The following DGLUCY variants were observed in gnomAD, a reference collection of about 807,000 sequenced individuals.
DGLUCY encodes D-glutamate cyclase, also known as D-glutamate cyclase, mitochondrial.
Under a neutral mutation model 58.5 loss-of-function variants are expected in DGLUCY, and 58 were observed. The observed-to-expected ratio is 0.99, with a 90% CI of 0.80 to 1.23. The LOEUF (loss-of-function observed/expected upper bound fraction) is 1.23, where lower values mean the gene tolerates loss of function less well. Ranked by LOEUF, DGLUCY falls within the 50% of genes most tolerant of loss-of-function variation. The pLI, the probability that DGLUCY is intolerant of heterozygous loss-of-function variation, is 0.00. For missense variants in DGLUCY, 779 were observed against 784.7 expected (o/e 0.99, Z 0.09); for synonymous variants, 325 against 314.1 (o/e 1.03, Z -0.37).
intron 1 of DGLUCY, among the ~76,000 whole-genome samples, chr14:91,137,461 C>T (rs942814573): frequency 3.3e-5 from 5 of 151,868 alleles, no homozygotes; most frequent in Admixed American, 6.6e-5. Context: ...TCTCTGCTCA[C>T]TGCAACCTCC....
At chr14:91,220,236 C>G (rs918156160) in intron 13 of DGLUCY, among the ~76,000 whole-genome samples, 3 of 152,238 alleles carry the variant, frequency 2.0e-5, no homozygotes, top group Admixed American at 2.0e-4. Flanking sequence ...AGCAAGTCTC[C>G]GACCTCAGCA....
At chr14:91,211,975 A>G (rs1271225031) in intron 12 of DGLUCY, among the ~76,000 whole-genome samples, 4 of 151,828 alleles carry the variant, frequency 2.6e-5, no homozygotes, top group Admixed American at 1.3e-4. Context: ...TAATTTTTGT[A>G]TTTTTTTAAT....
chr14:91,108,487 TTGTG>T lies in DGLUCY; in HGVS notation c.-82+463_-82+466del, dbSNP rs34711327. Among the ~76,000 whole-genome samples the T allele has an allele frequency of 9.7e-3, 724 of 74,920 alleles. 19 individuals carry two copies. The highest frequency in any genetic ancestry group is 0.037 in the African/African-American group (658 of 17,556). The allele number at this position is 74,920 out of a possible 152,430, so 49.2% of individuals were successfully genotyped here. A position where few individuals can be genotyped will look rare whatever the true frequency, so the allele number is the denominator to read the frequency against. ...GTCACTGGAAAGGCCCTTGAAGAAT[TTGTG>T]TGTGTGTGTGTGTGTGTGTGTGTGT... On this transcript the variant is annotated intron_variant, in intron 1 of 4. Transcript: ENST00000518871.
rs1466140222 is a variant in DGLUCY at position 91,224,875 on chromosome 14, G to A, written c.*42G>A. ...TGAGCAGAGTCCCTACCAACGGGCAGGTCTGCATCCGGGGAGAATGCAGCT... is the reference window on the plus strand; with the variant it reads ...TGAGCAGAGTCCCTACCAACGGGCAAGTCTGCATCCGGGGAGAATGCAGCT... On this transcript the variant is annotated 3_prime_UTR_variant, in exon 14 of 14. Coordinates refer to ENST00000256324, the MANE Select transcript of DGLUCY (RefSeq NM_001102368.3). The A allele has an allele frequency of 6.5e-7, 1 of 1,542,990 alleles. No individual in the cohort carries two copies. The highest frequency in any genetic ancestry group is 1.4e-5 in the African/African-American group (1 of 72,946).
chr14:91,176,513 C>G (rs957534944), intron 7 of DGLUCY, among the ~76,000 whole-genome samples: 1 of 152,138 alleles, frequency 6.6e-6, no homozygotes, highest in Non-Finnish European at 1.5e-5. Flanking sequence ...CGTGAGTCAT[C>G]GCGCCTGGCC....
Position 91,225,347 on chromosome 14 carries a change from A to C in DGLUCY, c.*514A>C, listed in dbSNP as rs1888040095. ...AAATTTCAGAAATAAACAACTCTTA[A>C]GTTTTAAATTGTGTACTCTTCGGAA... On this transcript the variant is annotated 3_prime_UTR_variant, in exon 14 of 14. Transcript: ENST00000256324. The C allele has an allele frequency of 1.3e-5, 2 of 152,380 alleles. No individual in the cohort carries two copies. The highest frequency in any genetic ancestry group is 1.3e-4 in the Admixed American group (2 of 15,288). 9.4% of individuals were successfully genotyped at this position (152,380 alleles called of 1,614,324 possible). A position where few individuals can be genotyped will look rare whatever the true frequency, so the allele number is the denominator to read the frequency against.
At chr14:91,218,160 T>C in intron 13 of DGLUCY, among the ~76,000 whole-genome samples, 1 of 152,200 alleles carries the variant, frequency 6.6e-6, no homozygotes, top group East Asian at 1.9e-4. Flanking sequence ...GGAAATGGTC[T>C]GCCCTAGAGG....
chr14:91,222,782 TA>T (rs1205803451), intron 13 of DGLUCY, among the ~76,000 whole-genome samples: 1 of 152,180 alleles, frequency 6.6e-6, no homozygotes, highest in African/African-American at 2.4e-5. Context: ...GCTGCTATTT[TA>T]AAAAACAACT....
chr14:91,131,574 G>A (rs149971393), intron 1 of DGLUCY, among the ~76,000 whole-genome samples: 59 of 151,750 alleles, frequency 3.9e-4, no homozygotes, highest in Admixed American at 7.9e-4. Context: ...CCATTAACTC[G>A]TCATTTGCAT....
intron 3 of DGLUCY, among the ~76,000 whole-genome samples, chr14:91,161,205 G>A (rs1480325349): frequency 2.4e-4 from 36 of 152,180 alleles, no homozygotes; most frequent in Admixed American, 2.3e-3. Flanking sequence ...CCAGTAGCTG[G>A]GACTACAGGC....
intron 1 of DGLUCY, among the ~76,000 whole-genome samples, chr14:91,117,650 CACACACACACAT>C (rs749103233): frequency 0.1 from 14,760 of 145,716 alleles, 1,272 homozygotes; most frequent in African/African-American, 0.24. Context: ...TTCACATACA[CACACACACACAT>C]ACACACACAC....
intron 12 of DGLUCY, 49 bp downstream of exon 12, chr14:91,204,874 G>T (rs768912909): frequency 1.9e-6 from 3 of 1,610,882 alleles, no homozygotes; most frequent in South Asian, 1.1e-5. Context: ...CAGGGTGAGC[G>T]ACCTGGCTTG....
intron 12 of DGLUCY, among the ~76,000 whole-genome samples, chr14:91,205,954 C>T (rs1884625670): frequency 6.7e-6 from 1 of 150,342 alleles, no homozygotes; most frequent in Non-Finnish European, 1.5e-5. Flanking sequence ...ATTCTCCTGC[C>T]TCAGCCTCCC....
chr14:91,223,798 A>G (rs1457474034), intron 13 of DGLUCY: 5 of 983,290 alleles, frequency 5.1e-6, no homozygotes, highest in Non-Finnish European at 6.8e-6. Context: ...CTTTGCTTGT[A>G]CGTAATCCTC....
intron 11 of DGLUCY, among the ~76,000 whole-genome samples, chr14:91,200,167 C>T (rs2050465596): frequency 1.3e-5 from 2 of 152,170 alleles, no homozygotes; most frequent in South Asian, 4.1e-4. Context: ...GTTGGCCAGG[C>T]TGGTCTGGAA....
At chr14:91,178,115 G>A (rs1037900222) in intron 7 of DGLUCY, among the ~76,000 whole-genome samples, 10 of 152,164 alleles carry the variant, frequency 6.6e-5, no homozygotes, top group East Asian at 1.9e-4. Context: ...ACAATTGATC[G>A]TAGATGAGAA....
At chr14:91,105,310 A>G (rs1201865237), upstream of DGLUCY, among the ~76,000 whole-genome samples, 2 of 152,090 alleles carry the variant, frequency 1.3e-5, no homozygotes, top group Non-Finnish European at 2.9e-5. Flanking sequence ...GTGAGACTCC[A>G]TCTCACACAA....
chr14:91,141,798 G>A (rs1278937098), intron 1 of DGLUCY, among the ~76,000 whole-genome samples: 2 of 151,366 alleles, frequency 1.3e-5, no homozygotes, highest in African/African-American at 2.4e-5. Context: ...TGATTCGCCC[G>A]CCTCAGCCTC....
At chr14:91,063,754 C>T (rs1009559469) in intron 1 of DGLUCY, among the ~76,000 whole-genome samples, 1 of 152,180 alleles carries the variant, frequency 6.6e-6, no homozygotes, top group Non-Finnish European at 1.5e-5. Flanking sequence ...GGCAGAGGCC[C>T]GGTCAGGAAG....
Sources: allele counts gnomAD v4.1 joint callset (sites outside exome capture counted in the v4.1 genomes callset), GRCh38; gene constraint gnomAD v4.1.1; transcripts MANE v1.5; gene names NCBI Gene and HGNC (gene_info 2026-07-23, HGNC 2026-07-21).